The following LRRC49 variants were observed in gnomAD, a reference collection of about 807,000 sequenced individuals.
LRRC49 encodes leucine rich repeat containing 49, also known as leucine-rich repeat-containing protein 49.
Under a neutral mutation model 83.3 loss-of-function variants are expected in LRRC49, and 50 were observed. The observed-to-expected ratio is 0.60, with a 90% confidence interval of 0.48 to 0.76. The LOEUF (loss-of-function observed/expected upper bound fraction) is 0.76. Ranked by LOEUF, LRRC49 falls within the 30% of genes least tolerant of loss-of-function variation. The pLI, the probability that LRRC49 is intolerant of heterozygous loss-of-function variation, is 0.00. For synonymous variants in LRRC49, 286 were observed against 283.3 expected (o/e 1.01, Z -0.10); for missense variants, 704 against 809.1 (o/e 0.87, Z 1.58).
intron 9 of LRRC49, among the ~76,000 whole-genome samples, chr15:70,971,151 T>G (rs2036981838): frequency 6.6e-6 from 1 of 152,032 alleles, no homozygotes; most frequent in South Asian, 2.1e-4. Flanking sequence ...AAACACTGCT[T>G]TAGCACCCAG....
intron 4 of LRRC49, among the ~76,000 whole-genome samples, chr15:70,901,271 T>C (rs2034066328): frequency 6.6e-6 from 1 of 152,162 alleles, no homozygotes; most frequent in Admixed American, 6.6e-5. Flanking sequence ...TTCTAAAATA[T>C]GACATTGATG....
intron 1 of LRRC49, among the ~76,000 whole-genome samples, chr15:70,871,158 A>T (rs1469114785): frequency 6.6e-6 from 1 of 151,796 alleles, no homozygotes; most frequent in Non-Finnish European, 1.5e-5. Context: ...GATGACTCTT[A>T]ACGAGTATGC....
intron 15 of LRRC49, among the ~76,000 whole-genome samples, chr15:71,039,515 C>T (rs987131712): frequency 1.1e-4 from 16 of 152,124 alleles, no homozygotes; most frequent in East Asian, 1.9e-4. Flanking sequence ...GATGTAGTAA[C>T]GTAGTATTTG....
chr15:71,022,087 G>C (rs2039012039), intron 14 of LRRC49, among the ~76,000 whole-genome samples: 1 of 152,108 alleles, frequency 6.6e-6, no homozygotes, highest in Non-Finnish European at 1.5e-5. Flanking sequence ...AAAATGCAAA[G>C]ATTAGCCAGG....
Position 71,008,590 on chromosome 15 carries a change from C to T in LRRC49, c.1381C>T (p.Leu461=). 2 of 1,611,552 alleles carry T rather than the reference C, an allele frequency of 1.2e-6. No homozygotes were observed. Among genetic ancestry groups the T allele is most frequent in the Non-Finnish European group, 1.7e-6 (2 of 1,178,236 alleles). Residue 461 remains leucine, a synonymous_variant, in exon 12 of 16, where the codon CTG becomes TTG. Coordinates refer to ENST00000260382, the MANE Select transcript of LRRC49 (RefSeq NM_017691.5). Reference sequence around the variant, plus strand: ...TGAAATCGTCCAAGTGCTTCCTAAACTGAAGATTAAGTTTCCTAATTCTCT... The same window carrying T: ...TGAAATCGTCCAAGTGCTTCCTAAATTGAAGATTAAGTTTCCTAATTCTCT... The part of the protein sequence containing the change: ...FDEIVQVLPK[L]KIKFPNSLHL...
Position 70,873,907 on chromosome 15 carries a change from T to A in LRRC49, c.18+684T>A, listed in dbSNP as rs1112178. Reference sequence around the variant, plus strand: ...GAAGAATTTTTGGCTATTTTTACAATCTACTGCAACTAGGTGGTAGGCTTA... The same window carrying A: ...GAAGAATTTTTGGCTATTTTTACAAACTACTGCAACTAGGTGGTAGGCTTA... On this transcript the variant is annotated intron_variant, in intron 2 of 16. Transcript: ENST00000544974. 8.8e-3 allele frequency among the ~76,000 whole-genome samples: 1,342 copies of A among 152,324 alleles called. 22 individuals are homozygous for A. Among genetic ancestry groups the A allele is most frequent in the African/African-American group, 0.031 (1,272 of 41,570 alleles).
chr15:70,891,950 C>A (rs888735676), upstream of LRRC49: 1 of 1,613,624 alleles, frequency 6.2e-7, no homozygotes, highest in Non-Finnish European at 8.5e-7. Context: ...CGTGTCCAGG[C>A]GGCCTGCTTG....
At chr15:71,009,604 G>T (rs1177266169) in intron 12 of LRRC49, 4 of 428,932 alleles carry the variant, frequency 9.3e-6, no homozygotes, top group African/African-American at 6.1e-5. Context: ...TTCAATATTG[G>T]ATGGATTCCA....
intron 7 of LRRC49, among the ~76,000 whole-genome samples, chr15:70,931,306 A>C (rs1028852091): frequency 6.6e-6 from 1 of 152,180 alleles, no homozygotes; most frequent in African/African-American, 2.4e-5. Context: ...GTCAGAACAC[A>C]CATTTGTTGA....
chr15:70,891,233 G>C (rs567427135), upstream of LRRC49, among the ~76,000 whole-genome samples: 1 of 152,256 alleles, frequency 6.6e-6, no homozygotes, highest in South Asian at 2.1e-4. Context: ...TGTTTAGAAG[G>C]AACAGAAAAG....
chr15:70,979,977 G>A (rs936407667), intron 9 of LRRC49, 124 bp from the exon 10 acceptor site: 3 of 552,930 alleles, frequency 5.4e-6, no homozygotes, highest in Non-Finnish European at 9.6e-6. Context: ...TTCTTTGAGA[G>A]TATATTTTCT....
At chr15:70,994,417 T>G (rs577003002) in intron 11 of LRRC49, among the ~76,000 whole-genome samples, 1 of 152,270 alleles carries the variant, frequency 6.6e-6, no homozygotes, top group Admixed American at 6.5e-5. Flanking sequence ...GTTTCCACTG[T>G]TCTTTTCAAG....
At chr15:71,043,030 A>T (rs1352528909) in intron 15 of LRRC49, among the ~76,000 whole-genome samples, 1 of 152,106 alleles carries the variant, frequency 6.6e-6, no homozygotes, top group African/African-American at 2.4e-5. Flanking sequence ...TGCTGTCTGA[A>T]CGTTTTACTC....
At chr15:70,872,020 G>T (rs914589800) in intron 1 of LRRC49, among the ~76,000 whole-genome samples, 1 of 152,194 alleles carries the variant, frequency 6.6e-6, no homozygotes, top group Non-Finnish European at 1.5e-5. Context: ...CTGCAATCTC[G>T]GCACTTTGGG....
intron 8 of LRRC49, among the ~76,000 whole-genome samples, chr15:70,955,689 G>T (rs1033506995): frequency 1.3e-5 from 2 of 151,980 alleles, no homozygotes; most frequent in Admixed American, 1.3e-4. Flanking sequence ...ACCTCTCTTG[G>T]TTCCTACGTT....
At chr15:70,950,441 C>T (rs1425101702) in intron 8 of LRRC49, among the ~76,000 whole-genome samples, 1 of 151,712 alleles carries the variant, frequency 6.6e-6, no homozygotes, top group Non-Finnish European at 1.5e-5. Context: ...CCCTTTTCTC[C>T]AATGTATAAG....
In LRRC49 at chr15:70,999,056, A is replaced by G. The variant is rs533724221; in HGVS notation, c.1170-9323A>G. Among the ~76,000 whole-genome samples, 4 of 151,996 alleles carry G rather than the reference A, an allele frequency of 2.6e-5. No individual in the cohort carries two copies. The East Asian group carries it at 7.7e-4, about 29-fold the overall frequency. ...CTTTTTAATTTCCATTTCTTTATTG[A>G]TATTCTTTATTTGGTGAGACATCAT... On this transcript the variant is annotated intron_variant, in intron 11 of 15. Coordinates refer to ENST00000260382, the MANE Select transcript of LRRC49 (RefSeq NM_017691.5).
chr15:71,015,331 T>G (rs1413391918), intron 14 of LRRC49, among the ~76,000 whole-genome samples: 1 of 152,178 alleles, frequency 6.6e-6, no homozygotes, highest in Non-Finnish European at 1.5e-5. Flanking sequence ...ACAGACAATT[T>G]TGCCATGGAC....
intron 8 of LRRC49, among the ~76,000 whole-genome samples, chr15:70,956,771 C>A (rs1248968935): frequency 6.6e-6 from 1 of 152,050 alleles, no homozygotes; most frequent in African/African-American, 2.4e-5. Context: ...AAATGCCTGG[C>A]AGATGGAAAT....
Sources: gnomAD v4.1 joint callset for allele counts (sites outside exome capture counted in the v4.1 genomes callset) on GRCh38, gnomAD v4.1.1 for gene constraint, MANE v1.5 for transcripts, NCBI Gene and HGNC (gene_info 2026-07-23, HGNC 2026-07-21) for gene names.